Variants in FRMPD4 observed in about 807,000 individuals in gnomAD.
The protein encoded by FRMPD4 is FERM and PDZ domain-containing protein 4.
In FRMPD4, 22 loss-of-function variants were observed where a neutral mutation model predicts 94.1. The observed-to-expected ratio is 0.23, with a 90% CI of 0.17 to 0.33. FRMPD4 has a LOEUF of 0.33. Among genes scored for constraint, FRMPD4 ranks in the 10% least tolerant of loss-of-function variants. The pLI is 1.00. For synonymous variants in FRMPD4, 631 were observed against 548.6 expected, an observed-to-expected ratio of 1.15 and a Z score of -2.10; for missense variants, 1,111 against 1,339.9, an observed-to-expected ratio of 0.83 and a Z score of 2.67.
chrX:11,992,142 G>GAGA (rs2054468279), intron 3 of FRMPD4, among the ~76,000 whole-genome samples: 1 of 105,452 alleles, frequency 9.5e-6, no homozygotes, highest in Admixed American at 1.0e-4. Flanking sequence ...AATTAAAAGA[G>GAGA]AAAAAAAAAA....
intron 1 of FRMPD4, among the ~76,000 whole-genome samples, chrX:12,153,368 A>T (rs2147601408): frequency 8.9e-6 from 1 of 112,196 alleles, no homozygotes; most frequent in South Asian, 3.7e-4. Context: ...GTATTGATGG[A>T]TGTTTCCTTT....
At chrX:12,428,201 T>TA (rs937711771) in intron 1 of FRMPD4, among the ~76,000 whole-genome samples, 14 of 111,059 alleles carry the variant, frequency 1.3e-4, no homozygotes, top group East Asian at 1.1e-3. Context: ...ATTTTAACTT[T>TA]AAAAAAAATC....
intron 3 of FRMPD4, among the ~76,000 whole-genome samples, chrX:11,918,456 T>C (rs1017365875): frequency 5.5e-5 from 6 of 109,886 alleles, no homozygotes; most frequent in Non-Finnish European, 1.1e-4. Flanking sequence ...AATACAAAAT[T>C]AGCCAGGCGT....
upstream of FRMPD4, among the ~76,000 whole-genome samples, chrX:12,136,231 A>C (rs941786208): frequency 9.1e-6 from 1 of 110,485 alleles, no homozygotes; most frequent in Non-Finnish European, 1.9e-5. Flanking sequence ...ACATCTGGGG[A>C]AGTGGTCTAG....
At chrX:12,354,962 A>C (rs2055872658) in intron 1 of FRMPD4, among the ~76,000 whole-genome samples, 1 of 112,183 alleles carries the variant, frequency 8.9e-6, no homozygotes, top group Non-Finnish European at 1.9e-5. Flanking sequence ...ATTTCTACGT[A>C]TCATGGGCTT....
At chrX:11,933,679 A>G (rs2054134401) in intron 3 of FRMPD4, among the ~76,000 whole-genome samples, 1 of 112,348 alleles carries the variant, frequency 8.9e-6, no homozygotes, top group African/African-American at 3.2e-5. Flanking sequence ...GGGGAGAATA[A>G]TTGTATGCAT....
intron 3 of FRMPD4, among the ~76,000 whole-genome samples, chrX:11,982,774 T>A (rs779037622): frequency 1.7e-4 from 19 of 112,087 alleles, no homozygotes; most frequent in Non-Finnish European, 3.2e-4. Flanking sequence ...TGTTTCATGA[T>A]TATTTTGCTG....
intron 1 of FRMPD4, among the ~76,000 whole-genome samples, chrX:11,828,930 C>A (rs1234176095): frequency 8.9e-6 from 1 of 112,224 alleles, no homozygotes; most frequent in African/African-American, 3.2e-5. Flanking sequence ...TGGTGCAGAT[C>A]TAATCTGAGA....
At chrX:11,851,975 GAGAT>G (rs2053625528) in intron 1 of FRMPD4, among the ~76,000 whole-genome samples, 1 of 105,823 alleles carries the variant, frequency 9.4e-6, no homozygotes, top group Admixed American at 1.0e-4. Flanking sequence ...AAACCTCTAA[GAGAT>G]AGACAGTGGG....
At chrX:12,159,332 G>A (rs780415212) in intron 1 of FRMPD4, among the ~76,000 whole-genome samples, 19 of 112,115 alleles carry the variant, frequency 1.7e-4, no homozygotes, top group African/African-American at 4.9e-4. Flanking sequence ...AGATCTGACC[G>A]CAAGAGGCTA....
intron 1 of FRMPD4, among the ~76,000 whole-genome samples, chrX:12,160,066 G>A (rs1408981413): frequency 1.4e-5 from 1 of 73,230 alleles, no homozygotes; most frequent in Non-Finnish European, 2.5e-5. Flanking sequence ...TAGATGTTGA[G>A]GGGTGTGTGT....
intron 6 of FRMPD4, among the ~76,000 whole-genome samples, chrX:12,684,459 T>C (rs887196376): frequency 1.8e-5 from 2 of 111,903 alleles, no homozygotes; most frequent in Admixed American, 9.5e-5. Context: ...AAGGCACTCA[T>C]GCTCCAACTG....
At chrX:11,953,510 G>T (rs1023675394) in intron 3 of FRMPD4, among the ~76,000 whole-genome samples, 5 of 111,020 alleles carry the variant, frequency 4.5e-5, no homozygotes, top group African/African-American at 1.6e-4. Context: ...TCCAGGTTTA[G>T]CTAAGGAGAA....
intron 1 of FRMPD4, among the ~76,000 whole-genome samples, chrX:12,240,872 T>G (rs188577063): frequency 0.011 from 1,182 of 112,263 alleles, 10 homozygotes; most frequent in African/African-American, 0.035. Flanking sequence ...GTGAGTTATT[T>G]TCAAATGGGC....
chrX:12,482,382 C>G (rs1307038768), intron 1 of FRMPD4, among the ~76,000 whole-genome samples: 1 of 112,287 alleles, frequency 8.9e-6, no homozygotes, highest in African/African-American at 3.2e-5. Context: ...TTAACTGTGG[C>G]TTAGGGAGAT....
In FRMPD4 at chrX:12,399,749, GGGTT is replaced by G. The variant is rs200782944; in HGVS notation, c.42-98927_42-98924del. Among the ~76,000 whole-genome samples the G allele has an allele frequency of 6.8e-4, 76 of 111,437 alleles. No individual in the cohort carries two copies. The East Asian group carries it at 0.02, about 30-fold the overall frequency. ...GGCTGAGGAGGAGGAAGAAGAGAAG[GGGTT>G]GGTCTGGCTGTCTCAGGGGTGCCAG... On this transcript the variant is annotated intron_variant, in intron 1 of 16. Coordinates refer to ENST00000675598, the MANE Select transcript of FRMPD4 (RefSeq NM_001368397.1).
Position 12,024,496 on chromosome X carries a change from A to C in FRMPD4, c.95+146478A>C, listed in dbSNP as rs926093537. Among the ~76,000 whole-genome samples, 17 of 112,258 alleles carry C rather than the reference A, an allele frequency of 1.5e-4. No individual in the cohort carries two copies. The East Asian group carries it at 4.5e-3, about 30-fold the overall frequency. On this transcript the variant is annotated intron_variant, in intron 3 of 18. Coordinates refer to the FRMPD4 transcript ENST00000640291. ...AATCTTGTCAAATTTTGTTAATTTA[A>C]AACTTTCACTATGACACATTTTAAG...
chrX:12,521,325 C>G (rs753028329), intron 2 of FRMPD4, among the ~76,000 whole-genome samples: 1 of 111,553 alleles, frequency 9.0e-6, no homozygotes, highest in Admixed American at 9.6e-5. Context: ...TGAGACCACC[C>G]TCAGCTGGTG....
chrX:11,858,608 T>C lies in FRMPD4; in HGVS notation c.-160-6478T>C, dbSNP rs374705103. Among the ~76,000 whole-genome samples the C allele has an allele frequency of 2.7e-5, 3 of 110,706 alleles. No homozygotes were observed. In the East Asian group the frequency reaches 8.5e-4, roughly 31 times the overall value. ...GAAAAATAACTACTGGGTACTAAGATTAATGTCTAGGTGATGAAATAATCT... is the reference window on the plus strand; with the variant it reads ...GAAAAATAACTACTGGGTACTAAGACTAATGTCTAGGTGATGAAATAATCT... On this transcript the variant is annotated intron_variant, in intron 1 of 18. Transcript: ENST00000640291.
Sources: allele counts gnomAD v4.1 joint callset (sites outside exome capture counted in the v4.1 genomes callset), GRCh38; gene constraint gnomAD v4.1.1; transcripts MANE v1.5; gene names NCBI Gene and HGNC (gene_info 2026-07-23, HGNC 2026-07-21).